MYRFL: variants seen among roughly 807,000 people sequenced by gnomAD.
MYRFL encodes the protein myelin regulatory factor like.
MYRFL carries 88 observed loss-of-function variants against 109.4 expected under a neutral mutation model. The observed-to-expected ratio is 0.80, with a 90% CI of 0.68 to 0.96. MYRFL has a LOEUF of 0.96. Among genes scored for constraint, MYRFL ranks in the 40% least tolerant of loss-of-function variants. The pLI, the probability that MYRFL is intolerant of heterozygous loss-of-function variation, is 0.00. For missense variants in MYRFL, 957 were observed against 954.9 expected (o/e 1.00, Z -0.03); for synonymous variants, 324 against 320.9 (o/e 1.01, Z -0.10).
intron 2 of MYRFL, among the ~76,000 whole-genome samples, chr12:69,856,121 GT>G (rs1884268629): frequency 6.6e-6 from 1 of 152,106 alleles, no homozygotes; most frequent in Non-Finnish European, 1.5e-5. Flanking sequence ...CCACTGGTCT[GT>G]TTTTTGTTGC....
intron 19 of MYRFL, among the ~76,000 whole-genome samples, chr12:69,943,274 T>C (rs535418713): frequency 1.3e-4 from 19 of 151,056 alleles, no homozygotes; most frequent in African/African-American, 4.4e-4. Flanking sequence ...ACTACCTGAC[T>C]TCAAACTATA....
chr12:69,879,034 C>T lies in MYRFL; in HGVS notation c.144C>T (p.Arg48=), dbSNP rs1449068444. ...GNDFDLGALQ[R]QLPDTPPYSA... is the part of the protein sequence containing the mutation. The stretch of plus-strand genomic sequence containing the variant: ...GTATGTCTCTAATCTTCAGGCAACG[C>T]CAGCTCCCAGACACCCCGCCCTATT... Residue 48 remains arginine (R), a synonymous_variant, in exon 3 of 25, where the codon CGC becomes CGT. Coordinates refer to ENST00000552032, the MANE Select transcript of MYRFL (RefSeq NM_182530.3). 1 of 702,966 alleles carries T rather than the reference C, an allele frequency of 1.4e-6. No homozygotes were observed. The highest frequency in any genetic ancestry group is 2.0e-5 in the Admixed American group (1 of 50,010). 43.5% of individuals were successfully genotyped at this position (702,966 alleles called of 1,614,324 possible).
At chr12:69,853,844 G>A (rs1460487125) in intron 1 of MYRFL, among the ~76,000 whole-genome samples, 1 of 151,370 alleles carries the variant, frequency 6.6e-6, no homozygotes, top group East Asian at 2.0e-4. Flanking sequence ...CCGGGAAGAG[G>A]CGCTCCTCAT....
intron 5 of MYRFL, among the ~76,000 whole-genome samples, chr12:69,884,573 C>A (rs768033719): frequency 6.6e-6 from 1 of 152,220 alleles, no homozygotes; most frequent in Non-Finnish European, 1.5e-5. Flanking sequence ...GAACATTGAC[C>A]TTGCTGCCAC....
At chr12:69,932,240 C>G (rs1034864709) in intron 15 of MYRFL, among the ~76,000 whole-genome samples, 1 of 152,086 alleles carries the variant, frequency 6.6e-6, no homozygotes, top group African/African-American at 2.4e-5. Context: ...AGTAAGTGCC[C>G]AATGAATGGC....
At chr12:69,864,987 C>T (rs1326390197) in intron 2 of MYRFL, among the ~76,000 whole-genome samples, 1 of 152,178 alleles carries the variant, frequency 6.6e-6, no homozygotes, top group African/African-American at 2.4e-5. Context: ...TTATAACTAA[C>T]AGAAAGACCT....
chr12:69,855,333 G>A lies in MYRFL; in HGVS notation c.100G>A (p.Glu34Lys), dbSNP rs193116966. Reference protein sequence around the residue: ...ENPALDTSLLEEFLGNDFDLG... With the variant: ...ENPALDTSLLKEFLGNDFDLG... ...CCCAGCCCTGGACACAAGTCTGTTG[G>A]AGGAATTTCTGGGCAATGACTTTGA... Residue 34 changes from glutamate (E) to lysine (K), a missense_variant, in exon 2 of 25, where the codon GAG becomes AAG. Physicochemically the swap from Glu to Lys is moderately conservative, Grantham distance 56. Transcript: ENST00000552032. 112 of 702,714 alleles carry A rather than the reference G, an allele frequency of 1.6e-4. 2 individuals are homozygous for A. The East Asian group carries it at 2.9e-3, about 18-fold the overall frequency. 43.5% of individuals were successfully genotyped at this position (702,714 alleles called of 1,614,324 possible).
intron 1 of MYRFL, among the ~76,000 whole-genome samples, chr12:69,850,965 C>T (rs1001519290): frequency 1.4e-4 from 22 of 151,886 alleles, no homozygotes; most frequent in African/African-American, 3.1e-4. Context: ...AGAAATTCAC[C>T]GCATACAAGA....
At chr12:69,869,333 T>C (rs1195770194) in intron 2 of MYRFL, among the ~76,000 whole-genome samples, 1 of 152,200 alleles carries the variant, frequency 6.6e-6, no homozygotes, top group East Asian at 1.9e-4. Flanking sequence ...CATTTCCTTA[T>C]TGCCTGCACC....
At chr12:69,870,099 C>CTTTTTTTTTTTTTTT (rs754843682) in intron 2 of MYRFL, among the ~76,000 whole-genome samples, 4 of 81,328 alleles carry the variant, frequency 4.9e-5, no homozygotes, top group African/African-American at 1.5e-4. Flanking sequence ...ATTTTTCTTC[C>CTTTTTTTTTTTTTTT]TTTTTTTTTT....
chr12:69,912,457 A>G lies in MYRFL; in HGVS notation c.1602+1527A>G, dbSNP rs572953728. On this transcript the variant is annotated intron_variant, in intron 13 of 24. Coordinates refer to ENST00000552032, the MANE Select transcript of MYRFL (RefSeq NM_182530.3). Reference sequence around the variant, plus strand: ...AAAACAAAAACTCTGTACCTGTAAAACAATAACTCCCCATTATCCACTTTC... The same window carrying G: ...AAAACAAAAACTCTGTACCTGTAAAGCAATAACTCCCCATTATCCACTTTC... Among the ~76,000 whole-genome samples, 6 of 152,294 alleles carry G rather than the reference A, an allele frequency of 3.9e-5. No homozygotes were observed. In the East Asian group the frequency reaches 1.2e-3, roughly 29 times the overall value.
chr12:69,946,940 A>G (rs765564919), intron 19 of MYRFL: 1 of 152,236 alleles, frequency 6.6e-6, no homozygotes, highest in Non-Finnish European at 1.5e-5. Flanking sequence ...TATCCACTCT[A>G]TGGCCCCTTC....
intron 1 of MYRFL, among the ~76,000 whole-genome samples, chr12:69,855,063 A>C (rs1399782374): frequency 6.6e-6 from 1 of 152,238 alleles, no homozygotes; most frequent in Non-Finnish European, 1.5e-5. Flanking sequence ...GTTGAACTTA[A>C]CTGGAAATAA....
rs1292556176 is a variant in MYRFL at position 69,855,394 on chromosome 12, C to T, written c.137+24C>T. The T allele has an allele frequency of 4.3e-6, 3 of 700,896 alleles. No individual in the cohort carries two copies. In the South Asian group the frequency reaches 4.5e-5, roughly 10 times the overall value. 43.4% of individuals were successfully genotyped at this position (700,896 alleles called of 1,614,324 possible). On this transcript the variant is annotated intron_variant, in intron 2 of 24. Coordinates refer to ENST00000552032, the MANE Select transcript of MYRFL (RefSeq NM_182530.3). ...TTGTAAGTAATGAGAGCACTGCTCT[C>T]TAGTTGATGTTTAAAATATTATGAA...
intron 13 of MYRFL, among the ~76,000 whole-genome samples, chr12:69,915,227 G>A (rs992982018): frequency 6.6e-6 from 1 of 152,226 alleles, no homozygotes; most frequent in Non-Finnish European, 1.5e-5. Context: ...GTGTGGCTTT[G>A]GTTGCCACCT....
At chr12:69,927,632 G>T in intron 14 of MYRFL, 53 bp from the exon 15 acceptor site, 1 of 1,335,810 alleles carries the variant, frequency 7.5e-7, no homozygotes, top group East Asian at 2.5e-5. Flanking sequence ...CCTTTGTCAT[G>T]TATCTCCTGG....
rs776460434 is a variant in MYRFL at position 69,952,162 on chromosome 12, C to G, written c.2274C>G (p.Asp758Glu). The G allele has an allele frequency of 1.6e-4, 244 of 1,535,968 alleles. 1 individual carries two copies. Among genetic ancestry groups the G allele is most frequent in the Non-Finnish European group, 1.9e-4 (216 of 1,146,874 alleles). ...CAAGAAATGCACTCAGCGGCCCTGA[C>G]TGGGAGAGTGACTGTAAGTTGACAT... ...VLARNALSGPDWESDWIDTTI... is the reference protein window; with the variant it reads ...VLARNALSGPEWESDWIDTTI... The change falls in exon 20 of 25, where the codon GAC (aspartate) becomes GAG (glutamate). Residue 758 changes from aspartate to glutamate, a missense_variant. Coordinates refer to ENST00000552032, the MANE Select transcript of MYRFL (RefSeq NM_182530.3).
rs774620881 is a variant in MYRFL at position 69,879,500 on chromosome 12, C to T, written c.464+47C>T. On this transcript the variant is annotated intron_variant, in intron 4 of 24. Coordinates refer to ENST00000552032, the MANE Select transcript of MYRFL (RefSeq NM_182530.3). The stretch of plus-strand genomic sequence containing the variant: ...TATCAAAGACCTTTGCGGAAAGCCT[C>T]GGAGCAGCCTGCCTCTGGCAGGCAC... 7.5e-6 allele frequency: 5 copies of T among 666,824 alleles called. No homozygotes were observed. The South Asian group carries it at 8.2e-5, about 11-fold the overall frequency. The allele number at this position is 666,824 out of a possible 1,614,324, so 41.3% of individuals were successfully genotyped here.
chr12:69,886,467 G>A (rs1239794370), intron 5 of MYRFL, among the ~76,000 whole-genome samples: 1 of 152,168 alleles, frequency 6.6e-6, no homozygotes, highest in Admixed American at 6.5e-5. Context: ...ACTGAATGCT[G>A]TACTTTGGTT....
Sources: allele counts gnomAD v4.1 joint callset (sites outside exome capture counted in the v4.1 genomes callset), GRCh38; gene constraint gnomAD v4.1.1; transcripts MANE v1.5; gene names NCBI Gene and HGNC (gene_info 2026-07-23, HGNC 2026-07-21).